Variants in NTM observed in about 807,000 individuals in gnomAD.
NTM encodes neurotrimin.
In NTM, 13 loss-of-function variants were observed where a neutral mutation model predicts 42.1. That is an observed-to-expected ratio of 0.31 (90% CI 0.20 to 0.49). The LOEUF (loss-of-function observed/expected upper bound fraction) is 0.49. NTM is among the 20% of genes least tolerant of loss of function. The pLI is 0.99. For synonymous variants in NTM, 187 were observed against 179.2 expected (o/e 1.04, Z -0.35); for missense variants, 373 against 452.8 (o/e 0.82, Z 1.60).
intron 2 of NTM, among the ~76,000 whole-genome samples, chr11:131,959,414 G>A (rs1263783882): frequency 2.6e-5 from 4 of 152,046 alleles, no homozygotes; most frequent in African/African-American, 7.2e-5. Context: ...GATCACTTGA[G>A]CCTAGGGGCT....
At chr11:131,454,295 A>T (rs1364089539) in intron 1 of NTM, among the ~76,000 whole-genome samples, 1 of 152,168 alleles carries the variant, frequency 6.6e-6, no homozygotes, top group Admixed American at 6.5e-5. Flanking sequence ...AAACATATTA[A>T]CCTATGTGGG....
At chr11:131,674,109 A>G (rs2070917805) in intron 1 of NTM, among the ~76,000 whole-genome samples, 1 of 152,262 alleles carries the variant, frequency 6.6e-6, no homozygotes, top group African/African-American at 2.4e-5. Flanking sequence ...GCAGGTAGGC[A>G]GGAGGAAGGG....
intron 2 of NTM, among the ~76,000 whole-genome samples, chr11:131,994,130 T>C (rs1198365217): frequency 6.6e-6 from 1 of 152,144 alleles, no homozygotes; most frequent in Non-Finnish European, 1.5e-5. Flanking sequence ...TAGCCAATGG[T>C]ATGAAACACT....
chr11:132,312,795 G>A (rs1214352099), intron 6 of NTM: 1 of 154,810 alleles, frequency 6.5e-6, no homozygotes. Flanking sequence ...GAGTGGTATG[G>A]ACAGCACCCC....
chr11:131,851,767 A>G (rs891740068), intron 1 of NTM, among the ~76,000 whole-genome samples: 3 of 152,168 alleles, frequency 2.0e-5, no homozygotes, highest in Non-Finnish European at 4.4e-5. Context: ...ATTAGCAATT[A>G]AAAATAACTG....
Position 131,579,363 on chromosome 11 carries a change from C to T in NTM, c.82+208475C>T, listed in dbSNP as rs535498929. 2.0e-5 allele frequency among the ~76,000 whole-genome samples: 3 copies of T among 152,318 alleles called. No homozygotes were observed. The East Asian group carries it at 5.8e-4, about 29-fold the overall frequency. On this transcript the variant is annotated intron_variant, in intron 1 of 8. Coordinates refer to ENST00000683400, the MANE Select transcript of NTM (RefSeq NM_001352005.2). ...TCCCACAAGTTACAAGAGTGAGGTTCCCTCTCCCTTTTATAGTATATAAAA... is the reference window on the plus strand; with the variant it reads ...TCCCACAAGTTACAAGAGTGAGGTTTCCTCTCCCTTTTATAGTATATAAAA...
chr11:131,964,054 A>G (rs2062535413), intron 2 of NTM, among the ~76,000 whole-genome samples: 1 of 152,220 alleles, frequency 6.6e-6, no homozygotes, highest in Non-Finnish European at 1.5e-5. Flanking sequence ...GTGATTTTAT[A>G]ATAAAAGATG....
intron 4 of NTM, among the ~76,000 whole-genome samples, chr11:132,301,035 C>T (rs1198813063): frequency 1.3e-5 from 2 of 152,172 alleles, no homozygotes; most frequent in Non-Finnish European, 2.9e-5. Flanking sequence ...CCATACACCT[C>T]TGTATTAGTC....
intron 4 of NTM, among the ~76,000 whole-genome samples, chr11:132,215,867 TCCTCTCA>T (rs2083747349): frequency 1.3e-5 from 2 of 152,186 alleles, no homozygotes; most frequent in Non-Finnish European, 2.9e-5. Context: ...CCCATCTCAC[TCCTCTCA>T]CTAGCAGGAG....
At chr11:132,134,751 A>ATATC (rs2067527875) in intron 2 of NTM, among the ~76,000 whole-genome samples, 1 of 89,022 alleles carries the variant, frequency 1.1e-5, no homozygotes, top group Non-Finnish European at 2.2e-5. Context: ...ATATATATAT[A>ATATC]TATATATATC....
intron 1 of NTM, among the ~76,000 whole-genome samples, chr11:131,579,667 C>T: frequency 6.6e-6 from 1 of 152,156 alleles, no homozygotes; most frequent in Non-Finnish European, 1.5e-5. Flanking sequence ...CATTTTGCTG[C>T]CAAGGACCAG....
rs148964355 is a variant in NTM at position 131,878,399 on chromosome 11, C to T, written c.83-33165C>T. Among the ~76,000 whole-genome samples the T allele has an allele frequency of 4.6e-3, 690 of 150,754 alleles. 6 individuals carry two copies. The highest frequency in any genetic ancestry group is 0.016 in the African/African-American group (662 of 40,924). On this transcript the variant is annotated intron_variant, in intron 1 of 8. Transcript: ENST00000683400. The stretch of plus-strand genomic sequence containing the variant: ...CAGCCTGGCCAACATGGTGAAACAC[C>T]GTCTGTATTTACTAAAACTACAAAA...
chr11:132,131,311 A>C (rs1158020450), intron 2 of NTM, among the ~76,000 whole-genome samples: 1 of 152,216 alleles, frequency 6.6e-6, no homozygotes, highest in Non-Finnish European at 1.5e-5. Context: ...TTTAGGACAG[A>C]TGCCTGCTGC....
chr11:132,101,673 C>T (rs539031598), intron 2 of NTM, among the ~76,000 whole-genome samples: 1 of 152,226 alleles, frequency 6.6e-6, no homozygotes, highest in East Asian at 1.9e-4. Context: ...TCTCACCGAG[C>T]TCTTCCAATT....
In NTM at chr11:132,012,472, C is replaced by T. The variant is rs180859301; in HGVS notation, c.167+100824C>T. ...TCTGAAATAATGAGGTTATCGCCAC[C>T]CCTTGGTTAAACAGACGTCTGAAGA... is the stretch of plus-strand genomic sequence containing the variant. On this transcript the variant is annotated intron_variant, in intron 2 of 8. Transcript: ENST00000683400. Among the ~76,000 whole-genome samples, 68 of 151,980 alleles carry T rather than the reference C, an allele frequency of 4.5e-4. 1 individual carries two copies. The highest frequency in any genetic ancestry group is 7.9e-4 in the Admixed American group (12 of 15,232).
intron 1 of NTM, among the ~76,000 whole-genome samples, chr11:131,395,529 AGG>A (rs2135628835): frequency 6.6e-6 from 1 of 152,200 alleles, no homozygotes; most frequent in South Asian, 2.1e-4. Context: ...TCCATTAAGC[AGG>A]AGAACTCCTG....
chr11:132,145,826 G>C (rs1008747455), intron 2 of NTM, among the ~76,000 whole-genome samples: 25 of 152,162 alleles, frequency 1.6e-4, no homozygotes, highest in African/African-American at 6.0e-4. Context: ...TGGAGAACTA[G>C]TTTAGTTTAG....
At chr11:131,502,554 G>C (rs1264669849) in intron 1 of NTM, among the ~76,000 whole-genome samples, 1 of 152,120 alleles carries the variant, frequency 6.6e-6, no homozygotes, top group Non-Finnish European at 1.5e-5. Context: ...TTGACGAGGG[G>C]TGCAAGAGAG....
chr11:131,845,431 C>T (rs774746605), intron 1 of NTM, among the ~76,000 whole-genome samples: 28 of 152,036 alleles, frequency 1.8e-4, no homozygotes, highest in Non-Finnish European at 3.8e-4. Context: ...TGCTTCTCAG[C>T]GTATAGTAGA....
Sources: gnomAD v4.1 joint callset for allele counts (sites outside exome capture counted in the v4.1 genomes callset) on GRCh38, gnomAD v4.1.1 for gene constraint, MANE v1.5 for transcripts, NCBI Gene and HGNC (gene_info 2026-07-23, HGNC 2026-07-21) for gene names.